Variants in RABGAP1L observed in about 807,000 individuals in gnomAD.
The protein encoded by RABGAP1L is rab GTPase-activating protein 1-like.
In RABGAP1L, 63 loss-of-function variants were observed where a neutral mutation model predicts 137.7. That is an observed-to-expected ratio of 0.46 (90% CI 0.37 to 0.56). The LOEUF is 0.56. Ranked by LOEUF, RABGAP1L falls within the 20% of genes least tolerant of loss-of-function variation. RABGAP1L has a pLI of 0.00. For synonymous variants in RABGAP1L, 431 were observed against 433.7 expected, an observed-to-expected ratio of 0.99 and a Z score of 0.08; for missense variants, 1,095 against 1,244.0, an observed-to-expected ratio of 0.88 and a Z score of 1.80.
At chr1:174,342,472 A>G (rs1682058673) in intron 11 of RABGAP1L, among the ~76,000 whole-genome samples, 1 of 152,188 alleles carries the variant, frequency 6.6e-6, no homozygotes, top group Admixed American at 6.6e-5. Context: ...TACTTAACCA[A>G]ATCTTTGAGA....
chr1:174,426,612 T>C (rs1345094168), intron 13 of RABGAP1L, among the ~76,000 whole-genome samples: 1 of 152,060 alleles, frequency 6.6e-6, no homozygotes, highest in Non-Finnish European at 1.5e-5. Context: ...ATTTATCTTA[T>C]AAGCAACATC....
chr1:174,900,357 G>T (rs768060654), intron 19 of RABGAP1L, among the ~76,000 whole-genome samples: 73 of 152,160 alleles, frequency 4.8e-4, no homozygotes, highest in Non-Finnish European at 9.0e-4. Flanking sequence ...GTTACTTGGC[G>T]TATATTCTAT....
intron 1 of RABGAP1L, among the ~76,000 whole-genome samples, chr1:174,215,674 A>G (rs1044434689): frequency 2.0e-5 from 3 of 152,144 alleles, no homozygotes; most frequent in African/African-American, 4.8e-5. Flanking sequence ...AGCATTAACA[A>G]ATGCTAGTGA....
intron 19 of RABGAP1L, among the ~76,000 whole-genome samples, chr1:174,906,559 C>T (rs542821221): frequency 6.6e-6 from 1 of 152,064 alleles, no homozygotes; most frequent in East Asian, 2.0e-4. Flanking sequence ...ATCTGGGAGG[C>T]AGAGGTTGCA....
chr1:174,752,118 T>C (rs1427135768), intron 17 of RABGAP1L, among the ~76,000 whole-genome samples, 195 bp from the exon 18 acceptor site: 1 of 152,128 alleles, frequency 6.6e-6, no homozygotes, highest in Non-Finnish European at 1.5e-5. Context: ...GAACATTGAT[T>C]AAATAGCACC....
At chr1:174,167,245 G>A (rs532750834) in intron 1 of RABGAP1L, among the ~76,000 whole-genome samples, 44 of 152,260 alleles carry the variant, frequency 2.9e-4, no homozygotes, top group African/African-American at 9.4e-4. Flanking sequence ...TAGTTTTCAC[G>A]AATTGAGGTT....
intron 13 of RABGAP1L, among the ~76,000 whole-genome samples, chr1:174,542,038 A>G (rs1362063203): frequency 3.9e-5 from 6 of 152,174 alleles, no homozygotes; most frequent in African/African-American, 1.4e-4. Context: ...CATCAGGGAT[A>G]TTGGTCTAAA....
In RABGAP1L at chr1:174,329,703, A is replaced by T. The variant is rs745473295; in HGVS notation, c.1465+24576A>T. On this transcript the variant is annotated intron_variant, in intron 11 of 25. Transcript: ENST00000681986. ...CAAATCAGTAAATGTGATACATCAC[A>T]TTAACAGATTGAAGGATAAAACTAT... Among the ~76,000 whole-genome samples the T allele has an allele frequency of 3.9e-5, 6 of 152,288 alleles. No individual in the cohort carries two copies. The Middle Eastern group carries it at 0.014, about 345-fold the overall frequency.
In RABGAP1L at chr1:174,259,807, A is replaced by G. The variant is rs1462227670; in HGVS notation, c.986+7217A>G. Among the ~76,000 whole-genome samples, 3 of 151,920 alleles carry G rather than the reference A, an allele frequency of 2.0e-5. No homozygotes were observed. The East Asian group carries it at 5.8e-4, about 29-fold the overall frequency. On this transcript the variant is annotated intron_variant, in intron 7 of 25. Transcript: ENST00000681986. ...TGGCCATTGAACAACTTTTCTTAACATATGAGGAAGGTACTGTTATTATTA... is the reference window on the plus strand; with the variant it reads ...TGGCCATTGAACAACTTTTCTTAACGTATGAGGAAGGTACTGTTATTATTA...
chr1:174,506,076 A>C (rs1308024416), intron 13 of RABGAP1L, among the ~76,000 whole-genome samples: 1 of 152,226 alleles, frequency 6.6e-6, no homozygotes, highest in Non-Finnish European at 1.5e-5. Context: ...TCTTACGTGC[A>C]ATCTAAAAAA....
chr1:174,816,650 G>C (rs1690444738), intron 19 of RABGAP1L, among the ~76,000 whole-genome samples: 3 of 151,748 alleles, frequency 2.0e-5, no homozygotes, highest in African/African-American at 7.3e-5. Context: ...CCTCCTTACA[G>C]CTCAAATAGG....
chr1:174,862,871 C>T (rs1223038271), intron 19 of RABGAP1L, among the ~76,000 whole-genome samples: 5 of 151,574 alleles, frequency 3.3e-5, no homozygotes, highest in Admixed American at 1.3e-4. Flanking sequence ...GGTATTTCTT[C>T]GGATTTCTGC....
intron 1 of RABGAP1L, among the ~76,000 whole-genome samples, chr1:174,192,208 T>C (rs368271958): frequency 6.6e-6 from 1 of 152,188 alleles, no homozygotes; most frequent in African/African-American, 2.4e-5. Flanking sequence ...TGTGTTTCAT[T>C]AACTATATCT....
intron 13 of RABGAP1L, among the ~76,000 whole-genome samples, chr1:174,628,946 A>C (rs186539083): frequency 2.0e-5 from 3 of 152,270 alleles, no homozygotes; most frequent in Non-Finnish European, 4.4e-5. Flanking sequence ...TATCATAAGA[A>C]AGCCCTTAGC....
chr1:174,316,592 TTCTC>T (rs1182493568), intron 11 of RABGAP1L, among the ~76,000 whole-genome samples: 7 of 151,860 alleles, frequency 4.6e-5, no homozygotes, highest in Admixed American at 3.9e-4. Flanking sequence ...CAAACAAACA[TTCTC>T]TCTCTCTCTG....
chr1:174,504,828 A>G (rs759787236), intron 13 of RABGAP1L, among the ~76,000 whole-genome samples: 11 of 152,192 alleles, frequency 7.2e-5, no homozygotes, highest in African/African-American at 2.7e-4. Flanking sequence ...TGTTTTAGAT[A>G]TAATTCCAAA....
At chr1:174,896,221 G>T (rs953912184) in intron 19 of RABGAP1L, among the ~76,000 whole-genome samples, 2 of 152,284 alleles carry the variant, frequency 1.3e-5, no homozygotes, top group African/African-American at 2.4e-5. Context: ...TCATGTGTCT[G>T]TTGGCTGCAT....
In RABGAP1L at chr1:174,887,818, T is replaced by G. The variant is rs558509451; in HGVS notation, c.2341-69639T>G. On this transcript the variant is annotated intron_variant, in intron 19 of 25. Transcript: ENST00000681986. ...GGAAGGCTGAGGTGGGCTGATCACT[T>G]GAAGTCAGGGGTTCAAGACCAGCCT... is the stretch of plus-strand genomic sequence containing the variant. Among the ~76,000 whole-genome samples, 6 of 152,264 alleles carry G rather than the reference T, an allele frequency of 3.9e-5. No individual in the cohort carries two copies. In the South Asian group the frequency reaches 1.2e-3, roughly 32 times the overall value.
chr1:174,170,815 G>A (rs1665311778), intron 1 of RABGAP1L, among the ~76,000 whole-genome samples: 1 of 152,006 alleles, frequency 6.6e-6, no homozygotes, highest in Non-Finnish European at 1.5e-5. Flanking sequence ...ACATTTCATA[G>A]GATAGTTATG....
Sources: allele counts gnomAD v4.1 joint callset (sites outside exome capture counted in the v4.1 genomes callset), GRCh38; gene constraint gnomAD v4.1.1; transcripts MANE v1.5; gene names NCBI Gene and HGNC (gene_info 2026-07-23, HGNC 2026-07-21).